Variants in XPNPEP1 observed in about 807,000 individuals in gnomAD.
The protein encoded by XPNPEP1 is xaa-Pro aminopeptidase 1.
Under a neutral mutation model 92.4 loss-of-function variants are expected in XPNPEP1, and 39 were observed. The observed-to-expected ratio is 0.42, with a 90% CI of 0.33 to 0.55. The LOEUF is 0.55. Ranked by LOEUF, XPNPEP1 falls within the 20% of genes least tolerant of loss-of-function variation. The pLI is 0.08. For synonymous variants in XPNPEP1, 307 were observed against 299.4 expected, an observed-to-expected ratio of 1.03 and a Z score of -0.26; for missense variants, 654 against 856.1, an observed-to-expected ratio of 0.76 and a Z score of 2.95.
At chr10:109,909,607 ATTAG>A (rs1205579673) in intron 2 of XPNPEP1, among the ~76,000 whole-genome samples, 1 of 152,242 alleles carries the variant, frequency 6.6e-6, no homozygotes, top group Non-Finnish European at 1.5e-5. Context: ...AATCACTGAT[ATTAG>A]TTAATGTTCT....
In XPNPEP1 at chr10:109,882,562, T is replaced by C; in HGVS notation, c.911A>G (p.Tyr304Cys). The C allele has an allele frequency of 6.2e-7, 1 of 1,614,204 alleles. No individual in the cohort carries two copies. Among genetic ancestry groups the C allele is most frequent in the Non-Finnish European group, 8.5e-7 (1 of 1,180,030 alleles). The change falls in exon 10 of 21, where the codon TAC becomes TGC. Residue 304 changes from tyrosine (Y) to cysteine (C), a missense_variant. Transcript: ENST00000502935. ...CTTGTAGGGATGCACCTGGATCCTG[T>C]ATTCGGCTTCCAGACCCAAGTCAAG... ...LLLDLGLEAE[Y>C]RIQVHPYKSI...
chr10:109,871,716 C>G (rs1847488352), intron 17 of XPNPEP1, 76 bp downstream of exon 17: 1 of 1,523,062 alleles, frequency 6.6e-7, no homozygotes, highest in East Asian at 2.3e-5. Flanking sequence ...ACGACATGTT[C>G]TTTCACTCAA....
Position 109,865,197 on chromosome 10 carries a change from G to A in XPNPEP1, c.1988C>T (p.Ser663Phe). Reference protein sequence around the residue: ...EWLIRETQPISKQH With the variant: ...EWLIRETQPIFKQH The stretch of plus-strand genomic sequence containing the variant: ...GGGAGGTATTTATTAATGCTGTTTG[G>A]AGATGGGTTGCGTCTCTCTGATGAG... The change falls in exon 21 of 21, where the codon TCC (serine) becomes TTC (phenylalanine). Residue 663 changes from serine (S) to phenylalanine (F), a missense_variant. By Grantham distance (155) the Ser-to-Phe change is radical. Coordinates refer to ENST00000502935, the MANE Select transcript of XPNPEP1 (RefSeq NM_020383.4). 6.2e-7 allele frequency: 1 copy of A among 1,614,192 alleles called. No homozygotes were observed. The highest frequency in any genetic ancestry group is 8.5e-7 in the Non-Finnish European group (1 of 1,180,040).
intron 1 of XPNPEP1, among the ~76,000 whole-genome samples, chr10:109,919,094 T>C (rs114206621): frequency 6.6e-5 from 10 of 152,310 alleles, no homozygotes; most frequent in African/African-American, 2.4e-4. Flanking sequence ...ATGACTTCTT[T>C]AGACACAAAT....
intron 8 of XPNPEP1, among the ~76,000 whole-genome samples, chr10:109,885,140 C>G (rs1848321816): frequency 6.6e-6 from 1 of 152,056 alleles, no homozygotes; most frequent in Non-Finnish European, 1.5e-5. Flanking sequence ...ATTCATGAAC[C>G]AAGATTTTGA....
At chr10:109,891,283 A>T (rs1420932392) in intron 5 of XPNPEP1, 1 of 153,868 alleles carries the variant, frequency 6.5e-6, no homozygotes, top group Non-Finnish European at 1.4e-5. Context: ...CTTGTCCTGA[A>T]TGCTGCTCTT....
intron 3 of XPNPEP1, among the ~76,000 whole-genome samples, chr10:109,898,327 G>A (rs1018160620): frequency 6.6e-6 from 1 of 152,220 alleles, no homozygotes; most frequent in Non-Finnish European, 1.5e-5. Context: ...GAACTGCACC[G>A]AGCTTGACTC....
Position 109,907,428 on chromosome 10 carries a change from C to T in XPNPEP1, c.246+263G>A, listed in dbSNP as rs138699895. ...GTGGCAGAGGAGATGTGGAGTATGC[C>T]AGCAACAGAAAGTTCCAGAACTTCT... On this transcript the variant is annotated intron_variant, in intron 3 of 20. Coordinates refer to ENST00000502935, the MANE Select transcript of XPNPEP1 (RefSeq NM_020383.4). Among the ~76,000 whole-genome samples the T allele has an allele frequency of 1.1e-4, 16 of 152,316 alleles. No homozygotes were observed. In the East Asian group the frequency reaches 2.7e-3, roughly 26 times the overall value.
chr10:109,918,855 GGAGGGAAGGAAGGAA>G lies in XPNPEP1; in HGVS notation c.33-3771_33-3757del, dbSNP rs1564798980. ...AAGGAGGAAGGAAGGAAGGAAGGAA[GGAGGGAAGGAAGGAA>G]GGAAGGAAGGAAGGAAGGAAGGAAG... is the stretch of plus-strand genomic sequence containing the variant. On this transcript the variant is annotated intron_variant, in intron 1 of 20. Transcript: ENST00000502935. 8.3e-3 allele frequency among the ~76,000 whole-genome samples: 247 copies of G among 29,600 alleles called. 1 individual carries two copies. The highest frequency in any genetic ancestry group is 0.016 in the Non-Finnish European group (177 of 11,162). 19.4% of individuals were successfully genotyped at this position (29,600 alleles called of 152,430 possible).
intron 2 of XPNPEP1, among the ~76,000 whole-genome samples, chr10:109,909,093 GC>G (rs1441420551): frequency 6.6e-6 from 1 of 152,002 alleles, no homozygotes; most frequent in Non-Finnish European, 1.5e-5. Context: ...ACATGGTGAA[GC>G]CCCGTCTCTA....
Position 109,882,623 on chromosome 10 carries a change from G to C in XPNPEP1, c.850C>G (p.Arg284Gly). 6.2e-7 allele frequency: 1 copy of C among 1,614,112 alleles called. No homozygotes were observed. The highest frequency in any genetic ancestry group is 8.5e-7 in the Non-Finnish European group (1 of 1,180,006). The change falls in exon 10 of 21, where the codon CGC becomes GGC. Residue 284 changes from arginine (R) to glycine (G), a missense_variant. Arg to Gly is a moderately radical substitution (Grantham distance 125). Coordinates refer to ENST00000502935, the MANE Select transcript of XPNPEP1 (RefSeq NM_020383.4). ...ETIMLFIDGD[R>G]IDAPSVKEHL... is the part of the protein sequence containing the mutation. ...TCCTTCACACTGGGGGCGTCTATGC[G>C]GTCACCATCAATGAAGAGCCTGCAG... is the stretch of plus-strand genomic sequence containing the variant.
At chr10:109,904,242 T>C (rs1227366876) in intron 3 of XPNPEP1, among the ~76,000 whole-genome samples, 1 of 149,016 alleles carries the variant, frequency 6.7e-6, no homozygotes, top group Non-Finnish European at 1.5e-5. Flanking sequence ...CTAACAGTTA[T>C]GCACCCAGCC....
At position 109,882,607 on chromosome 10, in the gene XPNPEP1, C is replaced by T. The variant is rs1342511982; in HGVS notation, c.866G>A (p.Ser289Asn). The T allele has an allele frequency of 1.2e-6, 2 of 1,614,144 alleles. No individual in the cohort carries two copies. The highest frequency in any genetic ancestry group is 1.7e-6 in the Non-Finnish European group (2 of 1,180,010). Residue 289 changes from serine to asparagine, a missense_variant, in exon 10 of 21, where the codon AGT becomes AAT. Coordinates refer to ENST00000502935, the MANE Select transcript of XPNPEP1 (RefSeq NM_020383.4). ...FIDGDRIDAP[S>N]VKEHLLLDLG... The stretch of plus-strand genomic sequence containing the variant: ...GTCAAGAAGCAGGTGCTCCTTCACA[C>T]TGGGGGCGTCTATGCGGTCACCATC...
chr10:109,880,543 C>A (rs1017168003), intron 11 of XPNPEP1, among the ~76,000 whole-genome samples: 9 of 152,234 alleles, frequency 5.9e-5, no homozygotes, highest in Admixed American at 4.6e-4. Context: ...CAGGAAAAAA[C>A]AGGCCACTAT....
At chr10:109,915,285 TG>T in intron 1 of XPNPEP1, 186 bp from the exon 2 acceptor site, 1 of 383,952 alleles carries the variant, frequency 2.6e-6, no homozygotes, top group Non-Finnish European at 4.7e-6. Flanking sequence ...AACATCCCCA[TG>T]GCAGGTTAAC....
At chr10:109,865,988 C>T (rs1847120426) in intron 20 of XPNPEP1, among the ~76,000 whole-genome samples, 1 of 152,160 alleles carries the variant, frequency 6.6e-6, no homozygotes. Context: ...GGCAAAAGCT[C>T]TGAGGCAGGA....
chr10:109,918,720 C>T (rs1850328899), intron 1 of XPNPEP1, among the ~76,000 whole-genome samples: 1 of 151,728 alleles, frequency 6.6e-6, no homozygotes, highest in African/African-American at 2.4e-5. Context: ...GAGATCGGGC[C>T]ACTGCACTCC....
chr10:109,909,315 A>G (rs917840082), intron 2 of XPNPEP1, among the ~76,000 whole-genome samples: 3 of 152,174 alleles, frequency 2.0e-5, no homozygotes, highest in Non-Finnish European at 4.4e-5. Context: ...ATGAGACCCA[A>G]GGTTTTCAAA....
chr10:109,895,949 A>T (rs1205710247), intron 3 of XPNPEP1, among the ~76,000 whole-genome samples: 2 of 152,154 alleles, frequency 1.3e-5, no homozygotes, highest in African/African-American at 4.8e-5. Flanking sequence ...ATAAAATCCA[A>T]ACTCTGGCCC....
Sources: allele counts gnomAD v4.1 joint callset (sites outside exome capture counted in the v4.1 genomes callset), GRCh38; gene constraint gnomAD v4.1.1; transcripts MANE v1.5; gene names NCBI Gene and HGNC (gene_info 2026-07-23, HGNC 2026-07-21).